The following RAB30 variants were observed in gnomAD, a reference collection of about 807,000 sequenced individuals.
RAB30 encodes RAB30, member RAS oncogene family.
A neutral mutation model predicts 25.1 loss-of-function variants in RAB30; 9 were observed. That is an observed-to-expected ratio of 0.36 (90% CI 0.22 to 0.63). The LOEUF is 0.63. Among genes scored for constraint, RAB30 ranks in the 20% least tolerant of loss-of-function variants. The pLI is 0.69. For missense variants in RAB30, 140 were observed against 243.5 expected, an observed-to-expected ratio of 0.58 and a Z score of 2.83; for synonymous variants, 77 against 86.4, an observed-to-expected ratio of 0.89 and a Z score of 0.60.
chr11:83,062,973 A>C (rs1858617043), intron 1 of RAB30, among the ~76,000 whole-genome samples: 1 of 148,484 alleles, frequency 6.7e-6, no homozygotes, highest in Non-Finnish European at 1.5e-5. Flanking sequence ...ACTGCACTCC[A>C]GCCTGGGTGA....
chr11:83,009,793 A>G (rs901522538), intron 1 of RAB30, among the ~76,000 whole-genome samples: 2 of 152,160 alleles, frequency 1.3e-5, no homozygotes, highest in African/African-American at 4.8e-5. Flanking sequence ...CAACTTTTCA[A>G]TACTCATCAA....
At chr11:83,040,214 A>G (rs1858076798) in intron 1 of RAB30, among the ~76,000 whole-genome samples, 1 of 152,214 alleles carries the variant, frequency 6.6e-6, no homozygotes, top group South Asian at 2.1e-4. Flanking sequence ...AATGAAAGAA[A>G]AGAGATTTTG....
At chr11:83,055,903 T>G (rs1474797883) in intron 1 of RAB30, among the ~76,000 whole-genome samples, 1 of 132,244 alleles carries the variant, frequency 7.6e-6, no homozygotes, top group Non-Finnish European at 1.6e-5. Context: ...GCCTGGATCT[T>G]GGACTTTTCC....
chr11:83,023,155 A>G (rs1857621023), intron 1 of RAB30, among the ~76,000 whole-genome samples: 1 of 152,160 alleles, frequency 6.6e-6, no homozygotes, highest in African/African-American at 2.4e-5. Context: ...GATTCTGGTG[A>G]TAATCTAGCT....
intron 1 of RAB30, among the ~76,000 whole-genome samples, chr11:83,020,104 C>T (rs1857534200): frequency 6.6e-6 from 1 of 152,252 alleles, no homozygotes; most frequent in South Asian, 2.1e-4. Flanking sequence ...TGCAGCTACA[C>T]AAACCATGGC....
In RAB30 at chr11:82,975,923, C is replaced by T. The variant is rs1391162662; in HGVS notation, c.*6242G>A. ...CTTAAAAAGAAGATAGGGATCAACC[C>T]AGTTTTCTTCCCATGAAGAATAGGA... On this transcript the variant is annotated 3_prime_UTR_variant, in exon 5 of 5. Coordinates refer to ENST00000527633, the MANE Select transcript of RAB30 (RefSeq NM_001286060.2). 1.3e-5 allele frequency: 2 copies of T among 152,000 alleles called. No homozygotes were observed. The highest frequency in any genetic ancestry group is 2.9e-5 in the Non-Finnish European group (2 of 67,996). The allele number at this position is 152,000 out of a possible 1,614,324, so 9.4% of individuals were successfully genotyped here.
chr11:82,999,128 T>C (rs1176685217), intron 1 of RAB30, among the ~76,000 whole-genome samples: 1 of 152,218 alleles, frequency 6.6e-6, no homozygotes, highest in Admixed American at 6.5e-5. Flanking sequence ...AGAATCTGGG[T>C]CCATAAGCAG....
At chr11:83,019,272 T>C (rs61500331) in intron 1 of RAB30, among the ~76,000 whole-genome samples, 5,363 of 152,288 alleles carry the variant, frequency 0.035, 332 homozygotes, top group African/African-American at 0.12. Flanking sequence ...GTGATCCGTC[T>C]ACCTCAGCCT....
intron 1 of RAB30, among the ~76,000 whole-genome samples, chr11:83,040,396 A>G (rs935280446): frequency 6.6e-6 from 1 of 152,096 alleles, no homozygotes; most frequent in Non-Finnish European, 1.5e-5. Context: ...GTTCGAGACT[A>G]GCCTGACCAA....
intron 1 of RAB30, among the ~76,000 whole-genome samples, chr11:82,998,387 C>T (rs557963162): frequency 6.6e-6 from 1 of 151,916 alleles, no homozygotes; most frequent in Non-Finnish European, 1.5e-5. Context: ...ACAAAAGAAC[C>T]TTATACAAAA....
At chr11:83,038,392 T>G (rs1858032432) in intron 1 of RAB30, among the ~76,000 whole-genome samples, 1 of 152,222 alleles carries the variant, frequency 6.6e-6, no homozygotes, top group Non-Finnish European at 1.5e-5. Context: ...TGCAATTGAT[T>G]AGCGCTGTGT....
intron 1 of RAB30, among the ~76,000 whole-genome samples, chr11:83,042,917 G>A (rs919717767): frequency 1.3e-5 from 2 of 152,142 alleles, no homozygotes; most frequent in African/African-American, 2.4e-5. Flanking sequence ...CATTTAATGT[G>A]TAATCTTGTT....
chr11:83,070,296 G>C (rs192115532), intron 1 of RAB30, among the ~76,000 whole-genome samples: 50 of 152,270 alleles, frequency 3.3e-4, no homozygotes, highest in Non-Finnish European at 5.6e-4. Flanking sequence ...CTACTACAAA[G>C]CCCATACAAT....
chr11:83,066,752 A>C (rs1250151664), intron 1 of RAB30, among the ~76,000 whole-genome samples: 1 of 152,168 alleles, frequency 6.6e-6, no homozygotes, highest in East Asian at 1.9e-4. Context: ...GGGTTTCACC[A>C]TGTTGGCCAC....
chr11:82,982,496 C>T, intron 4 of RAB30, 81 bp from the exon 5 acceptor site: 1 of 1,459,992 alleles, frequency 6.8e-7, no homozygotes, highest in Non-Finnish European at 9.3e-7. Context: ...AACTCCATAT[C>T]TGAAGTCAAG....
rs149263202 is a variant in RAB30, at chr11:82,979,167, A to G, written c.*2998T>C. The G allele has an allele frequency of 5.3e-5, 8 of 152,360 alleles. No homozygotes were observed. In the East Asian group the frequency reaches 1.5e-3, roughly 29 times the overall value. The allele number at this position is 152,360 out of a possible 1,614,324, so 9.4% of individuals were successfully genotyped here. A position where few individuals can be genotyped will look rare whatever the true frequency, so the allele number is the denominator to read the frequency against. ...TTGAGGATGTAGTCTATACAAAGCCATAAGAAAATATCATTATCAGCAAAC... is the reference window on the plus strand; with the variant it reads ...TTGAGGATGTAGTCTATACAAAGCCGTAAGAAAATATCATTATCAGCAAAC... On this transcript the variant is annotated 3_prime_UTR_variant, in exon 5 of 5. Coordinates refer to ENST00000527633, the MANE Select transcript of RAB30 (RefSeq NM_001286060.2).
Position 82,987,692 on chromosome 11 carries a change from T to C in RAB30, c.256A>G (p.Ile86Val). The change falls in exon 4 of 5, where the codon ATC becomes GTC. Residue 86 changes from isoleucine to valine, a missense_variant. By Grantham distance (29) the Ile-to-Val change is conservative. Transcript: ENST00000527633. ...QSYYRSANALILTYDITCEES... is the reference protein window; with the variant it reads ...QSYYRSANALVLTYDITCEES... Reference sequence around the variant, plus strand: ...TCACAGGTAATGTCATAGGTGAGGATCAAGGCATTGGCGCTTCGGTAGTAA... The same window carrying C: ...TCACAGGTAATGTCATAGGTGAGGACCAAGGCATTGGCGCTTCGGTAGTAA... 6.2e-7 allele frequency: 1 copy of C among 1,613,330 alleles called. No individual in the cohort carries two copies.
chr11:83,040,303 T>C (rs991678363), intron 1 of RAB30, among the ~76,000 whole-genome samples: 1 of 152,096 alleles, frequency 6.6e-6, no homozygotes, highest in Non-Finnish European at 1.5e-5. Context: ...ATAACACTAT[T>C]TTGGGCTGGG....
In RAB30 at chr11:82,978,734, A is replaced by G. The variant is rs897343343; in HGVS notation, c.*3431T>C. ...GGAATCACCAGTGTCCTCCCAAGGC[A>G]TATATTCATGAATGAAAGAAGATAA... is the stretch of plus-strand genomic sequence containing the variant. On this transcript the variant is annotated 3_prime_UTR_variant, in exon 5 of 5. Coordinates refer to ENST00000527633, the MANE Select transcript of RAB30 (RefSeq NM_001286060.2). 6.6e-6 allele frequency: 1 copy of G among 152,210 alleles called. No homozygotes were observed. The highest frequency in any genetic ancestry group is 2.4e-5 in the African/African-American group (1 of 41,458). The allele number at this position is 152,210 out of a possible 1,614,324, so 9.4% of individuals were successfully genotyped here.
Sources: gnomAD v4.1 joint callset for allele counts (sites outside exome capture counted in the v4.1 genomes callset) on GRCh38, gnomAD v4.1.1 for gene constraint, MANE v1.5 for transcripts, NCBI Gene and HGNC (gene_info 2026-07-23, HGNC 2026-07-21) for gene names.